The following MAST2 variants were observed in gnomAD, a reference collection of about 807,000 sequenced individuals.
MAST2 encodes the protein microtubule-associated serine/threonine-protein kinase 2.
A neutral mutation model predicts 147.4 loss-of-function variants in MAST2; 70 were observed. The ratio of observed to expected loss-of-function variants is 0.47; its 90% CI spans 0.39 to 0.58. The LOEUF (loss-of-function observed/expected upper bound fraction) is 0.58, where lower values mean the gene tolerates loss of function less well. Ranked by LOEUF, MAST2 falls within the 20% of genes least tolerant of loss-of-function variation. The probability of loss-of-function intolerance (pLI) is 0.00; values close to 1 mark genes in which losing one functional copy is unlikely to be tolerated. For synonymous variants in MAST2, 869 were observed against 896.8 expected (o/e 0.97, Z 0.55); for missense variants, 2,080 against 2,302.3 (o/e 0.90, Z 1.98).
chr1:46,034,246 C>A lies in MAST2; in HGVS notation c.3848C>A (p.Thr1283Asn). 1 of 1,613,304 alleles carries A rather than the reference C, an allele frequency of 6.2e-7. No individual in the cohort carries two copies. The highest frequency in any genetic ancestry group is 8.5e-7 in the Non-Finnish European group (1 of 1,179,524). ...TCTCCCACTCAAGGCTACCGGGTGACCCCCGATGCTGTGCATTCAGGTACG... is the reference window on the plus strand; with the variant it reads ...TCTCCCACTCAAGGCTACCGGGTGAACCCCGATGCTGTGCATTCAGGTACG... ...PRSPTQGYRV[T>N]PDAVHSVGGN... The change falls in exon 28 of 29, where the codon ACC (threonine) becomes AAC (asparagine). Residue 1283 changes from threonine (T) to asparagine (N), a missense_variant. Thr to Asn is a moderately conservative substitution (Grantham distance 65). Transcript: ENST00000361297.
chr1:45,940,639 A>T (rs1461412391), intron 4 of MAST2, among the ~76,000 whole-genome samples: 59 of 116,092 alleles, frequency 5.1e-4, no homozygotes, highest in Admixed American at 4.1e-3. Flanking sequence ...TTTTTTTTTG[A>T]GACAGAGTCT....
At chr1:46,004,320 C>G (rs1016439242) in intron 7 of MAST2, among the ~76,000 whole-genome samples, 1 of 144,998 alleles carries the variant, frequency 6.9e-6, no homozygotes, top group Admixed American at 7.1e-5. Context: ...GCCGAGATCA[C>G]ACCACTGCAC....
intron 1 of MAST2, among the ~76,000 whole-genome samples, chr1:45,811,709 C>G (rs1557793231): frequency 6.7e-6 from 1 of 148,476 alleles, no homozygotes; most frequent in Non-Finnish European, 1.5e-5. Flanking sequence ...TCTTGGCTCA[C>G]TGCAAGCTCT....
chr1:45,972,022 G>A (rs1643931516), intron 5 of MAST2, among the ~76,000 whole-genome samples: 1 of 152,044 alleles, frequency 6.6e-6, no homozygotes, highest in Admixed American at 6.6e-5. Context: ...ATCATTCAAG[G>A]TCAAGCTCAA....
intron 4 of MAST2, among the ~76,000 whole-genome samples, chr1:45,940,341 A>T (rs182612962): frequency 2.1e-4 from 32 of 152,028 alleles, no homozygotes; most frequent in African/African-American, 7.5e-4. Flanking sequence ...TTTTCAGCAT[A>T]CAAGTCTCAT....
At chr1:45,804,097 GGTGAACCT>G (rs1416366841) in intron 1 of MAST2, 25 bp downstream of exon 1, 8 of 1,276,834 alleles carry the variant, frequency 6.3e-6, no homozygotes, top group Non-Finnish European at 8.0e-6. Context: ...GATCCGGGAG[GGTGAACCT>G]GAATGGAAGC....
At chr1:46,008,903 C>G (rs1645598188) in intron 9 of MAST2, among the ~76,000 whole-genome samples, 1 of 152,184 alleles carries the variant, frequency 6.6e-6, no homozygotes, top group Non-Finnish European at 1.5e-5. Context: ...GAGTTGCTTG[C>G]TAACATCTGA....
intron 4 of MAST2, among the ~76,000 whole-genome samples, chr1:45,896,854 A>G (rs1364855839): frequency 1.3e-5 from 2 of 152,230 alleles, no homozygotes; most frequent in Non-Finnish European, 1.5e-5. Context: ...AGTACATCAT[A>G]TTGTATGAAT....
chr1:45,878,729 T>G (rs1019518078), intron 3 of MAST2, among the ~76,000 whole-genome samples: 1 of 152,118 alleles, frequency 6.6e-6, no homozygotes, highest in African/African-American at 2.4e-5. Flanking sequence ...AAATAAAAGT[T>G]TTTATTTATA....
intron 4 of MAST2, among the ~76,000 whole-genome samples, chr1:45,883,023 G>C (rs1230784956): frequency 1.3e-5 from 2 of 152,174 alleles, no homozygotes; most frequent in Non-Finnish European, 2.9e-5. Flanking sequence ...GTTTGTTAAA[G>C]TGCAGAGTGT....
At chr1:45,900,195 A>AAAAAAAAAAAAAAAAAAATT (rs1553226994) in intron 4 of MAST2, among the ~76,000 whole-genome samples, 27 of 93,154 alleles carry the variant, frequency 2.9e-4, no homozygotes, top group African/African-American at 1.2e-3. Context: ...AAAAAAAAAA[A>AAAAAAAAAAAAAAAAAAATT]GATTTACCCT....
intron 3 of MAST2, among the ~76,000 whole-genome samples, chr1:45,878,353 C>T (rs758364202): frequency 3.2e-4 from 48 of 152,184 alleles, no homozygotes; most frequent in East Asian, 3.9e-4. Flanking sequence ...TTGACATAAT[C>T]CATGCCCATT....
chr1:46,016,412 G>T (rs546561907), intron 10 of MAST2, among the ~76,000 whole-genome samples: 1 of 134,932 alleles, frequency 7.4e-6, no homozygotes, highest in East Asian at 2.1e-4. Flanking sequence ...CAGATGACAT[G>T]ATTGTATATC....
At chr1:46,005,285 C>T (rs1302418748) in intron 7 of MAST2, among the ~76,000 whole-genome samples, 2 of 151,730 alleles carry the variant, frequency 1.3e-5, no homozygotes, top group East Asian at 3.9e-4. Flanking sequence ...TCACTTGAAC[C>T]TGGGAGGCGG....
chr1:45,864,816 A>G (rs1454400734), intron 3 of MAST2, among the ~76,000 whole-genome samples: 1 of 152,254 alleles, frequency 6.6e-6, no homozygotes, highest in Non-Finnish European at 1.5e-5. Flanking sequence ...TAGTACTTCA[A>G]ATAATTTCAA....
At chr1:46,025,260 G>A (rs548770155) in intron 15 of MAST2, among the ~76,000 whole-genome samples, 24 of 152,220 alleles carry the variant, frequency 1.6e-4, no homozygotes, top group African/African-American at 3.1e-4. Context: ...CAGAGGTTGC[G>A]GTGAGCTGAT....
chr1:46,025,322 AAAAT>A (rs941949301), intron 15 of MAST2, among the ~76,000 whole-genome samples: 2 of 152,086 alleles, frequency 1.3e-5, no homozygotes, highest in African/African-American at 4.8e-5. Flanking sequence ...TTGCCTCAAA[AAAAT>A]AAATAAATAA....
At chr1:45,970,106 A>G (rs1160173654) in intron 5 of MAST2, among the ~76,000 whole-genome samples, 1 of 152,210 alleles carries the variant, frequency 6.6e-6, no homozygotes, top group Admixed American at 6.5e-5. Flanking sequence ...CAGGCTTGTT[A>G]AGAACAGAAT....
chr1:46,027,053 G>T (rs1156588089), intron 16 of MAST2, among the ~76,000 whole-genome samples: 1 of 152,130 alleles, frequency 6.6e-6, no homozygotes, highest in African/African-American at 2.4e-5. Context: ...GAACCAGTTG[G>T]GAGGCATGAC....
Sources: gnomAD v4.1 joint callset for allele counts (sites outside exome capture counted in the v4.1 genomes callset) on GRCh38, gnomAD v4.1.1 for gene constraint, MANE v1.5 for transcripts, NCBI Gene and HGNC (gene_info 2026-07-23, HGNC 2026-07-21) for gene names.